Variants in SNX3 observed in about 807,000 individuals in gnomAD.
SNX3 encodes the protein sorting nexin-3.
SNX3 carries 5 observed loss-of-function variants against 17.7 expected under a neutral mutation model. The ratio of observed to expected loss-of-function variants is 0.28; its 90% CI spans 0.15 to 0.59. The LOEUF (loss-of-function observed/expected upper bound fraction) is 0.59. SNX3 is among the 20% of genes least tolerant of loss of function. The pLI, the probability that SNX3 is intolerant of heterozygous loss-of-function variation, is 0.88. For synonymous variants in SNX3, 91 were observed against 76.5 expected (o/e 1.19, Z -0.99); for missense variants, 132 against 206.8 (o/e 0.64, Z 2.22).
intron 1 of SNX3, among the ~76,000 whole-genome samples, chr6:108,228,753 A>G (rs1775048330): frequency 1.3e-5 from 2 of 152,132 alleles, no homozygotes; most frequent in East Asian, 1.9e-4. Flanking sequence ...TTAAATACAC[A>G]TAACTTTTGA....
At chr6:108,244,647 G>GTTTTTTTTT (rs1021781550) in intron 1 of SNX3, among the ~76,000 whole-genome samples, 232 of 87,218 alleles carry the variant, frequency 2.7e-3, no homozygotes, top group Non-Finnish European at 3.0e-3. Context: ...TAAGTAAGGA[G>GTTTTTTTTT]TTTTTTTTTT....
rs1034600082 is a variant in SNX3 at position 108,212,064 on chromosome 6, C to T, written c.*85G>A. The stretch of plus-strand genomic sequence containing the variant: ...TACTGAAGGCATGTTATACCAGTTT[C>T]TGTGCAGCATGCTAAAAGTTAGAAC... On this transcript the variant is annotated 3_prime_UTR_variant, in exon 4 of 4. Coordinates refer to ENST00000230085, the MANE Select transcript of SNX3 (RefSeq NM_003795.6). 4 of 685,754 alleles carry T rather than the reference C, an allele frequency of 5.8e-6. No homozygotes were observed. The highest frequency in any genetic ancestry group is 1.0e-5 in the Non-Finnish European group (4 of 396,448). The allele number at this position is 685,754 out of a possible 1,614,324, so 42.5% of individuals were successfully genotyped here.
intron 1 of SNX3, among the ~76,000 whole-genome samples, chr6:108,241,158 A>AAG: frequency 6.6e-6 from 1 of 151,206 alleles, no homozygotes; most frequent in Non-Finnish European, 1.5e-5. Context: ...AAAAAAAAAA[A>AAG]AAAAAAAAAA....
chr6:108,214,096 T>C (rs1272592304), intron 3 of SNX3, among the ~76,000 whole-genome samples: 1 of 152,226 alleles, frequency 6.6e-6, no homozygotes, highest in Non-Finnish European at 1.5e-5. Context: ...AACATGCACC[T>C]TTATACAAGA....
intron 2 of SNX3, among the ~76,000 whole-genome samples, chr6:108,221,124 A>T (rs1774756896): frequency 6.6e-6 from 1 of 152,176 alleles, no homozygotes; most frequent in Non-Finnish European, 1.5e-5. Flanking sequence ...AATTTCTACT[A>T]CAATCTTATG....
At chr6:108,217,769 C>A (rs1774633784) in intron 2 of SNX3, among the ~76,000 whole-genome samples, 2 of 150,688 alleles carry the variant, frequency 1.3e-5, no homozygotes, top group Non-Finnish European at 3.0e-5. Flanking sequence ...AAAAAAAATT[C>A]TAATACTAAT....
chr6:108,248,147 C>T (rs1775747775), intron 1 of SNX3, among the ~76,000 whole-genome samples: 1 of 152,132 alleles, frequency 6.6e-6, no homozygotes, highest in Non-Finnish European at 1.5e-5. Flanking sequence ...AGACTACTGG[C>T]TCACTTTCTG....
intron 1 of SNX3, among the ~76,000 whole-genome samples, chr6:108,251,076 A>T (rs568259752): frequency 6.6e-6 from 1 of 152,210 alleles, no homozygotes; most frequent in African/African-American, 2.4e-5. Flanking sequence ...TTGGAAGGAA[A>T]AAAAAAAAGG....
intron 1 of SNX3, among the ~76,000 whole-genome samples, chr6:108,227,794 A>G (rs1775019145): frequency 6.6e-6 from 1 of 152,050 alleles, no homozygotes; most frequent in Admixed American, 6.6e-5. Context: ...ACTGATTAAA[A>G]TAACTAAGTG....
At chr6:108,251,621 G>A (rs1775862446) in intron 1 of SNX3, among the ~76,000 whole-genome samples, 1 of 152,136 alleles carries the variant, frequency 6.6e-6, no homozygotes, top group African/African-American at 2.4e-5. Flanking sequence ...ACCTCTCCAT[G>A]TGGAGAAAAA....
At chr6:108,247,534 A>G (rs752757330) in intron 1 of SNX3, among the ~76,000 whole-genome samples, 36 of 151,754 alleles carry the variant, frequency 2.4e-4, no homozygotes, top group Non-Finnish European at 2.4e-4. Flanking sequence ...TGCCCAGATA[A>G]TTAAAAAACA....
chr6:108,239,427 A>G (rs954910395), intron 1 of SNX3, among the ~76,000 whole-genome samples: 1 of 152,200 alleles, frequency 6.6e-6, no homozygotes, highest in Non-Finnish European at 1.5e-5. Context: ...GTTCAAGACA[A>G]GCCTGGGCAA....
At chr6:108,234,632 T>TA (rs1486758860) in intron 1 of SNX3, among the ~76,000 whole-genome samples, 4 of 152,204 alleles carry the variant, frequency 2.6e-5, no homozygotes, top group Non-Finnish European at 2.9e-5. Context: ...TCCTTACAAT[T>TA]AAAAAACATA....
intron 1 of SNX3, among the ~76,000 whole-genome samples, chr6:108,260,365 G>A (rs1776152618): frequency 6.6e-6 from 1 of 152,268 alleles, no homozygotes; most frequent in African/African-American, 2.4e-5. Context: ...TCTCCAGGAA[G>A]AGAAAACTGG....
intron 1 of SNX3, among the ~76,000 whole-genome samples, chr6:108,245,974 T>C (rs1775675736): frequency 6.6e-6 from 1 of 152,236 alleles, no homozygotes; most frequent in South Asian, 2.1e-4. Flanking sequence ...TTGGCTTTTG[T>C]TGCAATTGCT....
intron 1 of SNX3, among the ~76,000 whole-genome samples, chr6:108,250,826 T>A (rs1372810250): frequency 1.3e-5 from 2 of 152,216 alleles, no homozygotes; most frequent in Non-Finnish European, 1.5e-5. Context: ...CCATCAGTGA[T>A]AAAATCAAAG....
chr6:108,237,441 AAATGATGTTACTTAG>A (rs1383289454), intron 1 of SNX3, among the ~76,000 whole-genome samples: 5 of 152,128 alleles, frequency 3.3e-5, no homozygotes, highest in Non-Finnish European at 7.4e-5. Context: ...TTAGCCATTA[AAATGATGTTACTTAG>A]AATGCTAATA....
intron 1 of SNX3, among the ~76,000 whole-genome samples, chr6:108,240,142 T>A (rs1775472057): frequency 6.6e-6 from 1 of 152,206 alleles, no homozygotes; most frequent in African/African-American, 2.4e-5. Context: ...CACAGGTGTA[T>A]AACAAATTGA....
chr6:108,243,761 C>T (rs973315708), intron 1 of SNX3, among the ~76,000 whole-genome samples: 2 of 152,012 alleles, frequency 1.3e-5, no homozygotes, highest in African/African-American at 2.4e-5. Context: ...GGTGAATCTC[C>T]GTCTCTACTG....
Sources: gnomAD v4.1 joint callset for allele counts (sites outside exome capture counted in the v4.1 genomes callset) on GRCh38, gnomAD v4.1.1 for gene constraint, MANE v1.5 for transcripts, NCBI Gene and HGNC (gene_info 2026-07-23, HGNC 2026-07-21) for gene names.